PLCE1: variants seen among roughly 807,000 people sequenced by gnomAD.
PLCE1 encodes the protein phospholipase C epsilon 1.
PLCE1 carries 119 observed loss-of-function variants against 242.8 expected under a neutral mutation model. The observed-to-expected ratio is 0.49, with a 90% CI of 0.42 to 0.57. The LOEUF (loss-of-function observed/expected upper bound fraction) is 0.57, where lower values mean the gene tolerates loss of function less well. Ranked by LOEUF, PLCE1 falls within the 20% of genes least tolerant of loss-of-function variation. The pLI is 0.00. For synonymous variants in PLCE1, 945 were observed against 1,017.4 expected (o/e 0.93, Z 1.35); for missense variants, 2,441 against 2,788.8 (o/e 0.88, Z 2.81).
chr10:94,167,348 A>G (rs1394437379), intron 3 of PLCE1, among the ~76,000 whole-genome samples: 1 of 151,954 alleles, frequency 6.6e-6, no homozygotes, highest in African/African-American at 2.4e-5. Flanking sequence ...GATTTTAACC[A>G]TAACAATTTT....
intron 3 of PLCE1, among the ~76,000 whole-genome samples, chr10:94,143,380 T>A (rs1022765142): frequency 1.3e-5 from 2 of 152,238 alleles, no homozygotes; most frequent in Non-Finnish European, 2.9e-5. Flanking sequence ...CTCATTACAA[T>A]AAAATTAAAG....
chr10:94,280,243 G>A (rs1322388092), intron 20 of PLCE1: 2 of 369,962 alleles, frequency 5.4e-6, no homozygotes, highest in Non-Finnish European at 1.0e-5. Context: ...AGGAGTCGTA[G>A]ACTGAGGTTG....
Position 94,328,776 on chromosome 10 carries a change from G to C in PLCE1, c.*833G>C, listed in dbSNP as rs2054120352. ...TTTTTTTACATATAGAAATAATATTGGGTTTTTTTTAAGGTTATTGCCTAT... is the reference window on the plus strand; with the variant it reads ...TTTTTTTACATATAGAAATAATATTCGGTTTTTTTTAAGGTTATTGCCTAT... On this transcript the variant is annotated 3_prime_UTR_variant, in exon 33 of 33. Transcript: ENST00000371380. 6.6e-6 allele frequency: 1 copy of C among 151,880 alleles called. No individual in the cohort carries two copies. Among genetic ancestry groups the C allele is most frequent in the South Asian group, 2.1e-4 (1 of 4,806 alleles). 9.4% of individuals were successfully genotyped at this position (151,880 alleles called of 1,614,324 possible).
intron 27 of PLCE1, among the ~76,000 whole-genome samples, chr10:94,310,000 T>C (rs1331642164): frequency 6.6e-6 from 1 of 152,228 alleles, no homozygotes; most frequent in Non-Finnish European, 1.5e-5. Context: ...CACTCCAGCA[T>C]GGACAAAGAA....
At chr10:94,128,883 A>C (rs568667797) in intron 2 of PLCE1, among the ~76,000 whole-genome samples, 2 of 152,366 alleles carry the variant, frequency 1.3e-5, no homozygotes, top group South Asian at 4.1e-4. Flanking sequence ...CCCATCTAAC[A>C]GTAGAAGATC....
chr10:94,211,221 T>A (rs933247335), intron 4 of PLCE1, among the ~76,000 whole-genome samples: 10 of 152,206 alleles, frequency 6.6e-5, no homozygotes, highest in African/African-American at 2.4e-4. Context: ...TTGCTGCTGC[T>A]CCCAGCTCTC....
intron 2 of PLCE1, among the ~76,000 whole-genome samples, chr10:94,067,394 C>T (rs1168043003): frequency 6.6e-6 from 1 of 152,174 alleles, no homozygotes; most frequent in African/African-American, 2.4e-5. Flanking sequence ...TTGCTGCCCC[C>T]AAACATCCTG....
intron 2 of PLCE1, among the ~76,000 whole-genome samples, chr10:94,129,296 T>G (rs1348868002): frequency 6.6e-6 from 1 of 152,266 alleles, no homozygotes; most frequent in African/African-American, 2.4e-5. Context: ...GGCACAGCAC[T>G]ACGTCTACAG....
intron 2 of PLCE1, among the ~76,000 whole-genome samples, chr10:94,075,925 T>C (rs1446931168): frequency 6.6e-6 from 1 of 152,218 alleles, no homozygotes; most frequent in Non-Finnish European, 1.5e-5. Flanking sequence ...TCAAGTACCA[T>C]GCTGAATACA....
chr10:93,999,130 G>T (rs974456928), intron 1 of PLCE1, among the ~76,000 whole-genome samples: 9 of 152,188 alleles, frequency 5.9e-5, no homozygotes, highest in African/African-American at 2.2e-4. Context: ...AACTAATACA[G>T]CATGGAAGAA....
rs77147243 is a variant in PLCE1, at chr10:94,058,539, C to T, written c.1206+26287C>T. 8.6e-3 allele frequency among the ~76,000 whole-genome samples: 1,306 copies of T among 152,224 alleles called. 7 individuals carry two copies. The highest frequency in any genetic ancestry group is 0.014 in the Non-Finnish European group (939 of 68,006). ...GTTTCAATTAGTAGAGCAAGTTTTC[C>T]TTGACCATGGAATGAGCATGCTGTG... On this transcript the variant is annotated intron_variant, in intron 2 of 32. Transcript: ENST00000371380.
intron 2 of PLCE1, among the ~76,000 whole-genome samples, chr10:94,033,388 C>T (rs2061600885): frequency 6.6e-6 from 1 of 151,994 alleles, no homozygotes; most frequent in Non-Finnish European, 1.5e-5. Context: ...CAAACCAGAG[C>T]AGTCGATCAC....
At chr10:94,223,358 G>A (rs2049827638) in intron 4 of PLCE1, among the ~76,000 whole-genome samples, 1 of 152,156 alleles carries the variant, frequency 6.6e-6, no homozygotes, top group Admixed American at 6.5e-5. Context: ...AGGGATATAG[G>A]GGAGAGGTGA....
chr10:94,323,268 G>C (rs1398856339), intron 30 of PLCE1, among the ~76,000 whole-genome samples: 1 of 152,118 alleles, frequency 6.6e-6, no homozygotes, highest in African/African-American at 2.4e-5. Context: ...TGTTAGGGTA[G>C]GCCATTCATC....
intron 1 of PLCE1, among the ~76,000 whole-genome samples, chr10:94,017,738 TGGGGGAATCTC>T (rs2061307251): frequency 6.6e-6 from 1 of 152,166 alleles, no homozygotes; most frequent in Non-Finnish European, 1.5e-5. Flanking sequence ...TACGGCTTTG[TGGGGGAATCTC>T]TATGAGACTG....
intron 30 of PLCE1, 143 bp from the exon 31 acceptor site, chr10:94,324,206 C>G (rs2053927348): frequency 2.6e-6 from 2 of 760,526 alleles, no homozygotes; most frequent in Non-Finnish European, 4.7e-6. Flanking sequence ...TATACAACTG[C>G]AAAATGAGTT....
chr10:94,133,611 C>T (rs1200611977), intron 3 of PLCE1, among the ~76,000 whole-genome samples: 4 of 152,220 alleles, frequency 2.6e-5, no homozygotes, highest in Non-Finnish European at 5.9e-5. Flanking sequence ...TACCCACACA[C>T]ACACCCCTAG....
chr10:94,031,304 T>A lies in PLCE1; in HGVS notation c.258T>A (p.Ser86Arg), dbSNP rs2061552015. 9.9e-6 allele frequency: 16 copies of A among 1,613,712 alleles called. No individual in the cohort carries two copies. Among genetic ancestry groups the A allele is most frequent in the Non-Finnish European group, 1.3e-5 (15 of 1,179,876 alleles). ...AGAAAATAGTGAGTGATGAGAACAG[T>A]AATGAAAAATGTTGGGAGAAAATCA... ...AREKIVSDEN[S>R]NEKCWEKIMP... Residue 86 changes from serine (S) to arginine (R), a missense_variant, in exon 2 of 33, where the codon AGT (serine) becomes AGA (arginine). This residue lies in a region of PLCE1 where 393 missense variants were observed against 378.5 expected (regional missense o/e 1.04). Transcript: ENST00000371380.
rs555308141 is a variant in PLCE1, at chr10:94,164,919, G to T, written c.1493-6261G>T. 2.0e-5 allele frequency among the ~76,000 whole-genome samples: 3 copies of T among 152,314 alleles called. No homozygotes were observed. In the East Asian group the frequency reaches 5.8e-4, roughly 29 times the overall value. On this transcript the variant is annotated intron_variant, in intron 3 of 32. Coordinates refer to ENST00000371380, the MANE Select transcript of PLCE1 (RefSeq NM_016341.4). ...GGTCCACTCTGGACCCTGTTTGCCT[G>T]GGTATCAGCACCAGAGGCTGCAGAA...
Sources: gnomAD v4.1 joint callset for allele counts (sites outside exome capture counted in the v4.1 genomes callset) on GRCh38, gnomAD v4.1.1 for gene constraint, gnomAD v4.1.1 regional missense constraint, MANE v1.5 for transcripts, NCBI Gene and HGNC (gene_info 2026-07-23, HGNC 2026-07-21) for gene names.